Variants in ROBO2 observed in about 807,000 individuals in gnomAD.
The protein encoded by ROBO2 is roundabout guidance receptor 2.
ROBO2 carries 53 observed loss-of-function variants against 160.8 expected under a neutral mutation model. The observed-to-expected ratio is 0.33, with a 90% CI of 0.26 to 0.41. The LOEUF is 0.41. Among genes scored for constraint, ROBO2 ranks in the 10% least tolerant of loss-of-function variants. ROBO2 has a pLI of 1.00. For synonymous variants in ROBO2, 664 were observed against 611.7 expected, an observed-to-expected ratio of 1.09 and a Z score of -1.26; for missense variants, 1,577 against 1,722.4, an observed-to-expected ratio of 0.92 and a Z score of 1.49.
chr3:76,507,379 C>G (rs1212184690), intron 2 of ROBO2, among the ~76,000 whole-genome samples: 2 of 151,880 alleles, frequency 1.3e-5, no homozygotes, highest in East Asian at 3.9e-4. Context: ...TATGTAATTA[C>G]TAAATATGAA....
At chr3:77,177,925 T>G (rs1277950816) in intron 2 of ROBO2, among the ~76,000 whole-genome samples, 1 of 151,988 alleles carries the variant, frequency 6.6e-6, no homozygotes, top group East Asian at 1.9e-4. Flanking sequence ...CTTCTGCAAC[T>G]CCTTCATTAT....
intron 2 of ROBO2, among the ~76,000 whole-genome samples, chr3:76,098,430 G>T (rs1459617633): frequency 6.6e-6 from 1 of 151,542 alleles, no homozygotes. Flanking sequence ...TTTTGTGTTT[G>T]GATGAGTTTT....
chr3:76,465,772 GT>G (rs2078327069), intron 2 of ROBO2, among the ~76,000 whole-genome samples: 1 of 152,044 alleles, frequency 6.6e-6, no homozygotes, highest in East Asian at 1.9e-4. Flanking sequence ...AAGATATATT[GT>G]TTGAATGGCT....
At chr3:76,862,737 T>C (rs2148625534) in intron 2 of ROBO2, among the ~76,000 whole-genome samples, 1 of 152,222 alleles carries the variant, frequency 6.6e-6, no homozygotes, top group South Asian at 2.1e-4. Context: ...TTCTGCTTTT[T>C]TCTCAAATGC....
At chr3:76,919,507 T>A (rs1219221245) in intron 2 of ROBO2, among the ~76,000 whole-genome samples, 1 of 152,198 alleles carries the variant, frequency 6.6e-6, no homozygotes, top group Non-Finnish European at 1.5e-5. Context: ...TTTAATAGTA[T>A]CTTCTTGTTT....
At chr3:76,355,745 A>G (rs146368575) in intron 2 of ROBO2, among the ~76,000 whole-genome samples, 166 of 151,898 alleles carry the variant, frequency 1.1e-3, no homozygotes, top group African/African-American at 3.5e-3. Flanking sequence ...CACTTTCCCC[A>G]GTCATTAGGT....
chr3:76,242,823 G>A (rs889393367), intron 2 of ROBO2, among the ~76,000 whole-genome samples: 1 of 152,118 alleles, frequency 6.6e-6, no homozygotes, highest in African/African-American at 2.4e-5. Flanking sequence ...AGTTGAAGCC[G>A]CAGTGACCCG....
In ROBO2 at chr3:76,846,596, G is replaced by A. The variant is rs2068792946; in HGVS notation, c.110-251418G>A. On this transcript the variant is annotated intron_variant, in intron 2 of 26. Coordinates refer to the ROBO2 transcript ENST00000487694. Reference sequence around the variant, plus strand: ...ATTGTTATTCTAATTACTCGATAACGTTGTCTGGGCTAGAAGTGGTTTTTA... The same window carrying A: ...ATTGTTATTCTAATTACTCGATAACATTGTCTGGGCTAGAAGTGGTTTTTA... Among the ~76,000 whole-genome samples, 5 of 152,134 alleles carry A rather than the reference G, an allele frequency of 3.3e-5. No individual in the cohort carries two copies. In the South Asian group the frequency reaches 1.0e-3, roughly 32 times the overall value.
intron 2 of ROBO2, among the ~76,000 whole-genome samples, chr3:77,432,581 G>A (rs998444475): frequency 1.4e-4 from 22 of 152,086 alleles, no homozygotes; most frequent in African/African-American, 5.1e-4. Flanking sequence ...TTTTATTGGT[G>A]CACAGCTGTG....
chr3:76,203,206 G>A (rs1702623531), intron 2 of ROBO2, among the ~76,000 whole-genome samples: 1 of 152,136 alleles, frequency 6.6e-6, no homozygotes, highest in African/African-American at 2.4e-5. Context: ...ACTCAGAAAG[G>A]TTGACTGATA....
intron 2 of ROBO2, among the ~76,000 whole-genome samples, chr3:76,131,506 G>C (rs2071219714): frequency 6.6e-6 from 1 of 152,080 alleles, no homozygotes; most frequent in Admixed American, 6.6e-5. Context: ...AGTCAAGCAG[G>C]ATCTCACAGA....
intron 13 of ROBO2, among the ~76,000 whole-genome samples, chr3:77,570,344 G>T (rs1395810337): frequency 2.6e-5 from 4 of 151,926 alleles, no homozygotes; most frequent in African/African-American, 9.7e-5. Context: ...GGGGGACGTT[G>T]TCTATTCATC....
chr3:76,550,633 G>C (rs937220367), intron 2 of ROBO2, among the ~76,000 whole-genome samples: 1 of 152,178 alleles, frequency 6.6e-6, no homozygotes, highest in African/African-American at 2.4e-5. Context: ...AGGCATCCCT[G>C]CACTCTCAGG....
At chr3:77,332,824 G>C (rs1202525304) in intron 2 of ROBO2, among the ~76,000 whole-genome samples, 2 of 152,156 alleles carry the variant, frequency 1.3e-5, no homozygotes, top group African/African-American at 4.8e-5. Context: ...AGTTGCTGCT[G>C]TTAATATTAA....
intron 2 of ROBO2, among the ~76,000 whole-genome samples, chr3:76,460,038 T>A (rs1323916045): frequency 6.6e-6 from 1 of 152,150 alleles, no homozygotes; most frequent in East Asian, 1.9e-4. Flanking sequence ...CTTTATTTTT[T>A]TCTTAACACA....
chr3:76,139,328 A>C (rs1028179997), intron 2 of ROBO2, among the ~76,000 whole-genome samples: 3 of 152,122 alleles, frequency 2.0e-5, no homozygotes, highest in Non-Finnish European at 2.9e-5. Flanking sequence ...CACAGCTCAG[A>C]TACCAACTAA....
At chr3:76,423,006 C>T (rs1368304766) in intron 2 of ROBO2, among the ~76,000 whole-genome samples, 1 of 152,120 alleles carries the variant, frequency 6.6e-6, no homozygotes, top group South Asian at 2.1e-4. Context: ...AGGTAAGAGT[C>T]TTGCCCATAT....
intron 2 of ROBO2, among the ~76,000 whole-genome samples, chr3:76,635,456 T>C (rs1313053129): frequency 6.6e-6 from 1 of 152,212 alleles, no homozygotes; most frequent in African/African-American, 2.4e-5. Flanking sequence ...ATAATGCCTA[T>C]GTCATAGGAA....
At chr3:76,461,362 A>G (rs550574592) in intron 2 of ROBO2, among the ~76,000 whole-genome samples, 2 of 152,316 alleles carry the variant, frequency 1.3e-5, no homozygotes, top group Admixed American at 6.5e-5. Flanking sequence ...TGGGGTTACA[A>G]TTCAACACGA....
Sources: allele counts gnomAD v4.1 joint callset (sites outside exome capture counted in the v4.1 genomes callset), GRCh38; gene constraint gnomAD v4.1.1; transcripts MANE v1.5; gene names NCBI Gene and HGNC (gene_info 2026-07-23, HGNC 2026-07-21).